Variants in GSN observed in about 807,000 individuals in gnomAD.
GSN encodes gelsolin.
GSN carries 56 observed loss-of-function variants against 85.7 expected under a neutral mutation model. The observed-to-expected ratio is 0.65, with a 90% CI of 0.53 to 0.82. The LOEUF (loss-of-function observed/expected upper bound fraction) is 0.82, where lower values mean the gene tolerates loss of function less well. GSN is among the 40% of genes least tolerant of loss of function. The pLI is 0.00. For missense variants in GSN, 857 were observed against 979.8 expected, an observed-to-expected ratio of 0.87 and a Z score of 1.67; for synonymous variants, 373 against 399.1, an observed-to-expected ratio of 0.93 and a Z score of 0.78.
At chr9:121,251,926 A>G (rs1196078048) in intron 6 of GSN, among the ~76,000 whole-genome samples, 1 of 152,176 alleles carries the variant, frequency 6.6e-6, no homozygotes, top group Admixed American at 6.5e-5. Context: ...ATGCCATTGC[A>G]CTCCAGCCTG....
chr9:121,299,900 G>T lies in GSN; in HGVS notation c.-9-2063G>T. The T allele has an allele frequency of 7.7e-7, 1 of 1,297,404 alleles. No individual in the cohort carries two copies. Among genetic ancestry groups the T allele is most frequent in the South Asian group, 2.3e-5 (1 of 43,204 alleles). 80.4% of individuals were successfully genotyped at this position (1,297,404 alleles called of 1,614,324 possible). A position where few individuals can be genotyped will look rare whatever the true frequency, so the allele number is the denominator to read the frequency against. On this transcript the variant is annotated intron_variant, in intron 2 of 17. Transcript: ENST00000432226. The surrounding 1 kb of genome is among the most constrained non-coding windows in gnomAD (Gnocchi z 4.2). ...GCCCCGCGCCCGCGCTGCTTTGCGC[G>T]CTGTCCCTGGCGCTGTGCGCGCTGT... is the stretch of plus-strand genomic sequence containing the variant.
At chr9:121,214,751 T>C (rs2054028884) in intron 4 of GSN, among the ~76,000 whole-genome samples, 1 of 152,190 alleles carries the variant, frequency 6.6e-6, no homozygotes, top group South Asian at 2.1e-4. Context: ...ACTGCATTAG[T>C]TAAGTTCTTA....
At chr9:121,237,285 G>A (rs1250401636) in intron 5 of GSN, among the ~76,000 whole-genome samples, 3 of 152,090 alleles carry the variant, frequency 2.0e-5, no homozygotes, top group Admixed American at 2.0e-4. Context: ...TGCTAGGCTA[G>A]GGGTGATGTC....
chr9:121,241,964 G>C (rs1213502080), intron 5 of GSN, among the ~76,000 whole-genome samples: 3 of 152,146 alleles, frequency 2.0e-5, no homozygotes, highest in Non-Finnish European at 4.4e-5. Flanking sequence ...CATGAACTTT[G>C]GGTCTCTACA....
At chr9:121,319,796 G>A (rs1031657478) in intron 10 of GSN, among the ~76,000 whole-genome samples, 1 of 152,182 alleles carries the variant, frequency 6.6e-6, no homozygotes, top group Non-Finnish European at 1.5e-5. Context: ...TTCTAATACT[G>A]TAGGGGAAAG....
chr9:121,301,625 C>CAAAAAAAA (rs753963979), intron 2 of GSN, among the ~76,000 whole-genome samples: 29 of 54,986 alleles, frequency 5.3e-4, no homozygotes, highest in Non-Finnish European at 7.5e-4. Context: ...GACTCTGTCT[C>CAAAAAAAA]AAAAAAAAAA....
Position 121,299,772 on chromosome 9 carries a change from C to G in GSN, c.-9-2191C>G, listed in dbSNP as rs1161457666. 1 of 1,211,398 alleles carries G rather than the reference C, an allele frequency of 8.3e-7. No homozygotes were observed. The highest frequency in any genetic ancestry group is 1.6e-5 in the African/African-American group (1 of 61,574). The allele number at this position is 1,211,398 out of a possible 1,614,324, so 75.0% of individuals were successfully genotyped here. A position where few individuals can be genotyped will look rare whatever the true frequency, so the allele number is the denominator to read the frequency against. On this transcript the variant is annotated intron_variant, in intron 2 of 17. Transcript: ENST00000432226. This position sits in a 1 kb window ranked among gnomAD's most constrained non-coding sequence, Gnocchi z 4.2. ...CCCGCGCCCTCCCTGGGGGGCGGTC[C>G]CCGGCTTGGGCGGGATGGGCGGGCG...
intron 4 of GSN, among the ~76,000 whole-genome samples, chr9:121,214,053 T>C (rs1028996614): frequency 2.0e-5 from 3 of 152,232 alleles, no homozygotes; most frequent in African/African-American, 4.8e-5. Flanking sequence ...GGGCATACTA[T>C]GGGGATCATA....
At chr9:121,295,918 C>A (rs1329903832) in intron 2 of GSN, among the ~76,000 whole-genome samples, 1 of 152,250 alleles carries the variant, frequency 6.6e-6, no homozygotes, top group African/African-American at 2.4e-5. Flanking sequence ...CCATGCCAGA[C>A]CTGAGTGCCA....
rs758988443 is a variant in GSN at position 121,302,983 on chromosome 9, G to T, written c.269G>T (p.Gly90Val). The T allele has an allele frequency of 6.8e-6, 11 of 1,613,836 alleles. No homozygotes were observed. The African/African-American group carries it at 1.5e-4, about 22-fold the overall frequency. Reference sequence around the variant, plus strand: ...GTGCAGCTGGATGACTACCTGAACGGCCGGGCCGTGCAGCACCGTGAGGTC... The same window carrying T: ...GTGCAGCTGGATGACTACCTGAACGTCCGGGCCGTGCAGCACCGTGAGGTC... ...FTVQLDDYLN[G>V]RAVQHREVQG... Residue 90 changes from glycine (G) to valine (V), a missense_variant, in exon 4 of 18, where the codon GGC (glycine) becomes GTC (valine). Transcript: ENST00000432226.
chr9:121,296,371 C>T lies in GSN; in HGVS notation c.-9-5592C>T, dbSNP rs565397644. On this transcript the variant is annotated intron_variant, in intron 2 of 17. Coordinates refer to ENST00000432226, the MANE Select transcript of GSN (RefSeq NM_198252.3). ...GCTGCTATCAGTGACTGCAGTGCCT[C>T]CTTCCTCAAGTCAGGGGCTGTGGAC... 3.7e-4 allele frequency among the ~76,000 whole-genome samples: 57 copies of T among 152,302 alleles called. 1 individual carries two copies. The Middle Eastern group carries it at 0.01, about 27-fold the overall frequency.
chr9:121,235,113 A>G (rs981785614), intron 5 of GSN, among the ~76,000 whole-genome samples: 5 of 152,218 alleles, frequency 3.3e-5, no homozygotes, highest in African/African-American at 1.2e-4. Context: ...TGGCAAAGTC[A>G]TGCCGTTGGC....
rs745847678 is a variant in GSN at position 121,317,213 on chromosome 9, G to A, written c.881G>A (p.Trp294Ter). 6.2e-7 allele frequency: 1 copy of A among 1,614,136 alleles called. No homozygotes were observed. The highest frequency in any genetic ancestry group is 1.1e-5 in the South Asian group (1 of 91,082). The change falls in exon 8 of 18, where the codon TGG becomes TAG. Residue 294 changes from tryptophan (W) to a stop codon, truncating the protein, a stop_gained. Transcript: ENST00000432226. LOFTEE classifies it high-confidence loss of function. ...GGCAAAGATGGGAAAATCTTTGTCT[G>A]GAAAGGTACTGGAGACAGGGAAAGG... ...DHGKDGKIFV[W>*]KGKQANTEER...
chr9:121,268,943 C>G (rs999878449), intron 1 of GSN, among the ~76,000 whole-genome samples: 1 of 152,178 alleles, frequency 6.6e-6, no homozygotes, highest in Non-Finnish European at 1.5e-5. Flanking sequence ...CTGGGCAGTG[C>G]CCAGGGGGAA....
At position 121,299,947 on chromosome 9, in the gene GSN, C is replaced by T. The variant is rs900305697; in HGVS notation, c.-9-2016C>T. On this transcript the variant is annotated intron_variant, in intron 2 of 17. Transcript: ENST00000432226. The surrounding 1 kb of genome is among the most constrained non-coding windows in gnomAD (Gnocchi z 4.2). ...CTGTCGCTGCCCGTCCGCGCGGCCA[C>T]TGCGTCGCGGGGGGCGTCCCAGGCG... 2 of 1,265,542 alleles carry T rather than the reference C, an allele frequency of 1.6e-6. No homozygotes were observed. Among genetic ancestry groups the T allele is most frequent in the African/African-American group, 3.1e-5 (2 of 63,996 alleles). The allele number at this position is 1,265,542 out of a possible 1,614,324, so 78.4% of individuals were successfully genotyped here. A position where few individuals can be genotyped will look rare whatever the true frequency, so the allele number is the denominator to read the frequency against.
At chr9:121,234,703 G>T (rs918894596) in intron 5 of GSN, among the ~76,000 whole-genome samples, 2 of 152,146 alleles carry the variant, frequency 1.3e-5, no homozygotes, top group African/African-American at 4.8e-5. Context: ...TAAATGTAGG[G>T]TTGGGCATGG....
intron 4 of GSN, among the ~76,000 whole-genome samples, chr9:121,305,315 A>G (rs541504965): frequency 6.6e-6 from 1 of 152,340 alleles, no homozygotes; most frequent in East Asian, 1.9e-4. Flanking sequence ...TAACTTGCCT[A>G]AGTTCACACA....
rs1156902746 is a variant in GSN at position 121,317,107 on chromosome 9, A to G, written c.775A>G (p.Met259Val). 1.9e-6 allele frequency: 3 copies of G among 1,614,058 alleles called. No individual in the cohort carries two copies. Among genetic ancestry groups the G allele is most frequent in the Non-Finnish European group, 2.5e-6 (3 of 1,180,024 alleles). ...LYKVSNGAGT[M>V]SVSLVADENP... Reference sequence around the variant, plus strand: ...TCAGGTCTCCAATGGTGCAGGGACCATGTCCGTCTCCCTCGTGGCTGATGA... The same window carrying G: ...TCAGGTCTCCAATGGTGCAGGGACCGTGTCCGTCTCCCTCGTGGCTGATGA... Residue 259 changes from methionine (M) to valine (V), a missense_variant, in exon 8 of 18, where the codon ATG becomes GTG. By Grantham distance (21) the Met-to-Val change is conservative. Transcript: ENST00000432226.
chr9:121,303,304 TC>T (rs1470405365), intron 4 of GSN, among the ~76,000 whole-genome samples: 1 of 152,066 alleles, frequency 6.6e-6, no homozygotes, highest in Non-Finnish European at 1.5e-5. Flanking sequence ...AGAAGAAAAT[TC>T]CCCATAAGTT....
Sources: gnomAD v4.1 joint callset for allele counts (sites outside exome capture counted in the v4.1 genomes callset) on GRCh38, gnomAD v4.1.1 for gene constraint, Gnocchi (gnomAD v3.1) non-coding constraint, MANE v1.5 for transcripts, NCBI Gene and HGNC (gene_info 2026-07-23, HGNC 2026-07-21) for gene names.